Variants in NRDE2 observed in about 807,000 individuals in gnomAD.
The protein encoded by NRDE2 is nuclear exosome regulator NRDE2.
In NRDE2, 76 loss-of-function variants were observed where a neutral mutation model predicts 124.2. That is an observed-to-expected ratio of 0.61 (90% CI 0.51 to 0.74). The LOEUF (loss-of-function observed/expected upper bound fraction) is 0.74, where lower values mean the gene tolerates loss of function less well. Among genes scored for constraint, NRDE2 ranks in the 30% least tolerant of loss-of-function variants. The pLI, the probability that NRDE2 is intolerant of heterozygous loss-of-function variation, is 0.00. For synonymous variants in NRDE2, 489 were observed against 528.1 expected (o/e 0.93, Z 1.01); for missense variants, 1,314 against 1,417.3 (o/e 0.93, Z 1.17).
chr14:90,324,273 G>T (rs1595079069), intron 1 of NRDE2, among the ~76,000 whole-genome samples: 2 of 152,138 alleles, frequency 1.3e-5, no homozygotes, highest in Non-Finnish European at 2.9e-5. Context: ...ACATGTTTGA[G>T]AGCTTGGCAT....
intron 1 of NRDE2, among the ~76,000 whole-genome samples, chr14:90,325,351 C>T (rs1362912969): frequency 1.3e-5 from 2 of 152,050 alleles, no homozygotes; most frequent in African/African-American, 2.4e-5. Context: ...TCCTAGTCAA[C>T]AATCTGAGGG....
intron 1 of NRDE2, among the ~76,000 whole-genome samples, chr14:90,323,863 T>C (rs371532728): frequency 6.6e-5 from 10 of 152,270 alleles, no homozygotes; most frequent in African/African-American, 2.4e-4. Context: ...CTGAACAAAA[T>C]AATTTATCTG....
intron 4 of NRDE2, 132 bp from the exon 5 acceptor site, chr14:90,304,514 T>C: frequency 3.2e-6 from 2 of 626,106 alleles, no homozygotes; most frequent in South Asian, 4.4e-5. Flanking sequence ...CACCTTCAGA[T>C]TGTTTCTATT....
At chr14:90,307,612 G>A (rs905471939) in intron 4 of NRDE2, among the ~76,000 whole-genome samples, 3 of 151,912 alleles carry the variant, frequency 2.0e-5, no homozygotes, top group Admixed American at 2.0e-4. Flanking sequence ...GACCTCAAGC[G>A]ATCCGCCCGC....
intron 6 of NRDE2, chr14:90,301,883 T>C (rs984529024): frequency 2.2e-6 from 1 of 454,418 alleles, no homozygotes; most frequent in Non-Finnish European, 4.4e-6. Flanking sequence ...TAAATAACAC[T>C]AAGCTATTTG....
intron 8 of NRDE2, among the ~76,000 whole-genome samples, chr14:90,293,967 C>T (rs1480442475): frequency 2.6e-5 from 4 of 152,116 alleles, no homozygotes; most frequent in Non-Finnish European, 4.4e-5. Context: ...AAATGAAAAC[C>T]TACGTTTACA....
At chr14:90,279,277 TGGGACAGGGGCAGGTGCCAG>T in intron 12 of NRDE2, 144 bp from the exon 13 acceptor site, 2 of 664,404 alleles carry the variant, frequency 3.0e-6, no homozygotes, top group Non-Finnish European at 5.3e-6. Flanking sequence ...ACGGTGGCTG[TGGGACAGGGGCAGGTGCCAG>T]GGAGCACTCT....
chr14:90,298,727 G>GACCAGCTGA (rs1884276556), intron 7 of NRDE2, among the ~76,000 whole-genome samples: 1 of 152,188 alleles, frequency 6.6e-6, no homozygotes, highest in Non-Finnish European at 1.5e-5. Context: ...TCAGCAAGAA[G>GACCAGCTGA]GGTCTCCAGA....
At chr14:90,284,335 C>T (rs922406301) in intron 12 of NRDE2, among the ~76,000 whole-genome samples, 1 of 150,824 alleles carries the variant, frequency 6.6e-6, no homozygotes, top group African/African-American at 2.4e-5. Flanking sequence ...AAGGAGGTCA[C>T]TTTGTTTTTT....
intron 9 of NRDE2, 42 bp downstream of exon 9, chr14:90,292,655 G>T (rs753066956): frequency 1.3e-6 from 2 of 1,582,308 alleles, no homozygotes; most frequent in Non-Finnish European, 1.7e-6. Context: ...AGCAGGCAGG[G>T]ACCCCCTGGA....
Position 90,285,300 on chromosome 14 carries a change from A to T in NRDE2, c.3297+1054T>A, listed in dbSNP as rs897022567. 2.4e-3 allele frequency among the ~76,000 whole-genome samples: 213 copies of T among 89,646 alleles called. No homozygotes were observed. The Middle Eastern group carries it at 0.032, about 13-fold the overall frequency. The allele number at this position is 89,646 out of a possible 152,430, so 58.8% of individuals were successfully genotyped here. On this transcript the variant is annotated intron_variant, in intron 12 of 13. Coordinates refer to ENST00000354366, the MANE Select transcript of NRDE2 (RefSeq NM_017970.4). ...AAAAAAAAAAAAAAAGGAAATGTTG[A>T]TTTTTTTTTTCTTTTTTTTGAGACG...
chr14:90,313,751 G>A (rs1884939870), intron 3 of NRDE2, among the ~76,000 whole-genome samples: 1 of 152,182 alleles, frequency 6.6e-6, no homozygotes, highest in Admixed American at 6.5e-5. Flanking sequence ...TTTCAGCTCT[G>A]CCCAGGTACA....
chr14:90,279,048 C>A lies in NRDE2; in HGVS notation c.3369+14G>T. ...TTTCGGGAAGCTGAAGACACCATGG[C>A]CTTTAACACTTACCTTTGCCCAAGG... On this transcript the variant is annotated intron_variant, in intron 13 of 13. Transcript: ENST00000354366. 1 of 1,588,728 alleles carries A rather than the reference C, an allele frequency of 6.3e-7. No homozygotes were observed. Among genetic ancestry groups the A allele is most frequent in the Non-Finnish European group, 8.6e-7 (1 of 1,156,786 alleles).
chr14:90,324,750 A>C (rs1369519432), intron 1 of NRDE2, among the ~76,000 whole-genome samples: 2 of 151,984 alleles, frequency 1.3e-5, no homozygotes, highest in Admixed American at 1.3e-4. Context: ...GTGACTTACT[A>C]ACCATGTGAC....
rs528197535 is a variant in NRDE2, at chr14:90,286,409, C to T, written c.3242G>A (p.Arg1081His). ...GGGGCACTGGCTGCCACTGTCGCTGCGCATGGCATTTTCAAACAGGGCTTG... is the reference window on the plus strand; with the variant it reads ...GGGGCACTGGCTGCCACTGTCGCTGTGCATGGCATTTTCAAACAGGGCTTG... ...RIQALFENAM[R>H]SDSGSQCPLL... Residue 1081 changes from arginine to histidine, a missense_variant, in exon 12 of 14, where the codon CGC (arginine) becomes CAC (histidine). Physicochemically the swap from Arg to His is conservative, Grantham distance 29. Coordinates refer to ENST00000354366, the MANE Select transcript of NRDE2 (RefSeq NM_017970.4). 33 of 1,614,172 alleles carry T rather than the reference C, an allele frequency of 2.0e-5. No homozygotes were observed. Among genetic ancestry groups the T allele is most frequent in the Middle Eastern group, 1.6e-4 (1 of 6,062 alleles).
intron 8 of NRDE2, 83 bp downstream of exon 8, chr14:90,298,177 T>C: frequency 1.4e-6 from 2 of 1,428,826 alleles, no homozygotes; most frequent in African/African-American, 1.4e-5. Flanking sequence ...GATAAATAGC[T>C]TAAGCAGATA....
At position 90,269,963 on chromosome 14, in the gene NRDE2, CA is replaced by C. The variant is rs1891619731; in HGVS notation, c.*8372del. The C allele has an allele frequency of 2.0e-6, 1 of 493,300 alleles. No homozygotes were observed. The allele number at this position is 493,300 out of a possible 1,614,324, so 30.6% of individuals were successfully genotyped here. A position where few individuals can be genotyped will look rare whatever the true frequency, so the allele number is the denominator to read the frequency against. ...AGTTTCACTCAGGAATTGCTCCTTT[CA>C]TTTATTTCTGAAGGTACCAAAGCAG... On this transcript the variant is annotated 3_prime_UTR_variant, in exon 14 of 14. Coordinates refer to ENST00000354366, the MANE Select transcript of NRDE2 (RefSeq NM_017970.4).
rs79341977 is a variant in NRDE2, at chr14:90,301,265, C to T, written c.1519G>A (p.Val507Met). The T allele has an allele frequency of 6.1e-3, 9,835 of 1,613,578 alleles. 48 individuals carry two copies. Among genetic ancestry groups the T allele is most frequent in the Non-Finnish European group, 7.3e-3 (8,642 of 1,179,666 alleles). Residue 507 changes from valine (V) to methionine (M), a missense_variant, in exon 7 of 14, where the codon GTG becomes ATG. Transcript: ENST00000354366. ...TGTCCTTTGGTAGGCAGATCTTTCA[C>T]GCTGTCGGGTTTGAAGAAGGTGAAG... is the stretch of plus-strand genomic sequence containing the variant. ...VDFTFFKPDSVKDLPTKGQVE... is the reference protein window; with the variant it reads ...VDFTFFKPDSMKDLPTKGQVE...
rs769110308 is a variant in NRDE2 at position 90,290,323 on chromosome 14, G to C, written c.2127C>G (p.Gly709=). The C allele has an allele frequency of 3.7e-6, 6 of 1,613,930 alleles. No individual in the cohort carries two copies. In the African/African-American group the frequency reaches 8.0e-5, roughly 22 times the overall value. Residue 709 remains glycine, a synonymous_variant, in exon 10 of 14, where the codon GGC becomes GGG. Transcript: ENST00000354366. ...GGAAGACATTGCGGATGAACTCCTC[G>C]CCCTCTCGGTTCTGACCCCTGGTCC... is the stretch of plus-strand genomic sequence containing the variant. ...PRWTRGQNRE[G]EEFIRNVFHL... is the part of the protein sequence containing the mutation.
Sources: allele counts gnomAD v4.1 joint callset (sites outside exome capture counted in the v4.1 genomes callset), GRCh38; gene constraint gnomAD v4.1.1; transcripts MANE v1.5; gene names NCBI Gene and HGNC (gene_info 2026-07-23, HGNC 2026-07-21).